ZPBP: variants seen among roughly 807,000 people sequenced by gnomAD.
The protein encoded by ZPBP is zona pellucida binding protein.
ZPBP carries 26 observed loss-of-function variants against 44.8 expected under a neutral mutation model. The observed-to-expected ratio is 0.58, with a 90% CI of 0.43 to 0.81. ZPBP has a LOEUF of 0.81. Ranked by LOEUF, ZPBP falls within the 30% of genes least tolerant of loss-of-function variation. The probability of loss-of-function intolerance (pLI) is 0.00; values close to 1 mark genes in which losing one functional copy is unlikely to be tolerated. For synonymous variants in ZPBP, 174 were observed against 153.2 expected (o/e 1.14, Z -1.00); for missense variants, 409 against 434.0 (o/e 0.94, Z 0.51).
chr7:50,052,878 T>A (rs1800760733), intron 4 of ZPBP, among the ~76,000 whole-genome samples: 1 of 152,196 alleles, frequency 6.6e-6, no homozygotes, highest in Admixed American at 6.5e-5. Flanking sequence ...GTATAATACT[T>A]TTGAAACGAC....
chr7:49,942,251 CTAA>C (rs1794920259), intron 7 of ZPBP: 1 of 207,092 alleles, frequency 4.8e-6, no homozygotes, highest in Non-Finnish European at 9.6e-6. Flanking sequence ...AACGTTACTG[CTAA>C]TATCTGAATT....
intron 3 of ZPBP, among the ~76,000 whole-genome samples, chr7:50,070,773 TAAAC>T (rs1425974519): frequency 1.3e-5 from 2 of 152,342 alleles, no homozygotes; most frequent in Middle Eastern, 3.4e-3. Flanking sequence ...ACAGAAGTGA[TAAAC>T]AAAGACAGCT....
intron 4 of ZPBP, among the ~76,000 whole-genome samples, chr7:50,033,194 T>C (rs1180198742): frequency 2.6e-5 from 4 of 152,192 alleles, no homozygotes; most frequent in Non-Finnish European, 4.4e-5. Context: ...TGATTTCTTC[T>C]GAATTGAGAA....
At chr7:49,983,025 T>G (rs1797099418) in intron 7 of ZPBP, among the ~76,000 whole-genome samples, 1 of 152,060 alleles carries the variant, frequency 6.6e-6, no homozygotes, top group Non-Finnish European at 1.5e-5. Context: ...CAATAGTAGA[T>G]TCTAAAAGAT....
chr7:50,059,351 G>A (rs1261418916), intron 3 of ZPBP, among the ~76,000 whole-genome samples: 1 of 152,136 alleles, frequency 6.6e-6, no homozygotes, highest in African/African-American at 2.4e-5. Flanking sequence ...AAAGAGAAAT[G>A]AACAGATGAA....
chr7:50,036,160 T>C (rs1717936666), intron 4 of ZPBP, among the ~76,000 whole-genome samples: 2 of 152,208 alleles, frequency 1.3e-5, no homozygotes, highest in Non-Finnish European at 2.9e-5. Context: ...AATATGTTTC[T>C]TTGTTTGTTT....
Position 49,877,481 on chromosome 7 carries a change from A to AAAAAATATACATATAC in ZPBP, n.509+23636_509+23637insGTATATGTATATTTTT. Among the ~76,000 whole-genome samples the AAAAAATATACATATAC allele has an allele frequency of 1.6e-4, 2 of 12,722 alleles. 1 individual carries two copies. The highest frequency in any genetic ancestry group is 2.9e-4 in the Non-Finnish European group (2 of 6,948). The allele number at this position is 12,722 out of a possible 152,430, so 8.3% of individuals were successfully genotyped here. ...CTGTCTCAAAAAAAAAAAAAAAAAA[A>AAAAAATATACATATAC]ATATATATATATATATATATATATA... On this transcript the variant is annotated intron_variant and non_coding_transcript_variant, in intron 2 of 2. Coordinates refer to the ZPBP transcript ENST00000465922.
At chr7:49,945,777 G>C (rs1354488601) in intron 7 of ZPBP, among the ~76,000 whole-genome samples, 1 of 151,926 alleles carries the variant, frequency 6.6e-6, no homozygotes, top group Non-Finnish European at 1.5e-5. Flanking sequence ...TGGGTCTTGT[G>C]TTTTTATCCA....
chr7:49,867,824 T>A (rs560598585), intron 2 of ZPBP, among the ~76,000 whole-genome samples: 101 of 141,798 alleles, frequency 7.1e-4, no homozygotes, highest in African/African-American at 2.4e-3. Flanking sequence ...TTTTCTATTT[T>A]TTATTTTATT....
intron 2 of ZPBP, among the ~76,000 whole-genome samples, chr7:49,892,317 A>T (rs1333054548): frequency 2.6e-5 from 4 of 152,030 alleles, no homozygotes; most frequent in Non-Finnish European, 5.9e-5. Flanking sequence ...AAGTGCTGGG[A>T]TTACAAGCGT....
the ZPBP span, among the ~76,000 whole-genome samples, chr7:49,844,075 C>A: frequency 2.6e-5 from 4 of 152,134 alleles, no homozygotes; most frequent in Non-Finnish European, 5.9e-5. Flanking sequence ...AGACTGAGGG[C>A]AGGTTTTGCT....
At chr7:49,868,545 A>G (rs1255722570) in intron 2 of ZPBP, among the ~76,000 whole-genome samples, 1 of 152,238 alleles carries the variant, frequency 6.6e-6, no homozygotes, top group Non-Finnish European at 1.5e-5. Context: ...TTTTCATCAT[A>G]TGGTTCTACA....
chr7:49,890,143 C>A (rs1792069031), intron 2 of ZPBP, among the ~76,000 whole-genome samples: 1 of 152,184 alleles, frequency 6.6e-6, no homozygotes, highest in Non-Finnish European at 1.5e-5. Flanking sequence ...AATATTAACA[C>A]AGATGAAGCA....
At chr7:49,987,826 A>G (rs962561672) in intron 6 of ZPBP, among the ~76,000 whole-genome samples, 10 of 151,770 alleles carry the variant, frequency 6.6e-5, no homozygotes, top group Non-Finnish European at 2.9e-5. Flanking sequence ...AAGCACTTGG[A>G]TCAAATATTT....
intron 2 of ZPBP, among the ~76,000 whole-genome samples, chr7:49,879,030 C>T (rs1791562641): frequency 6.6e-6 from 1 of 152,140 alleles, no homozygotes; most frequent in Non-Finnish European, 1.5e-5. Flanking sequence ...AAATTTTTGT[C>T]TCTTTGTGCT....
At chr7:49,866,334 G>C (rs771947779) in intron 2 of ZPBP, among the ~76,000 whole-genome samples, 11 of 152,138 alleles carry the variant, frequency 7.2e-5, no homozygotes, top group Non-Finnish European at 1.0e-4. Flanking sequence ...GTCCTGACTG[G>C]CGTTCTTCCC....
intron 2 of ZPBP, among the ~76,000 whole-genome samples, chr7:49,856,882 G>A (rs899713696): frequency 1.3e-4 from 19 of 151,788 alleles, no homozygotes; most frequent in Admixed American, 3.9e-4. Flanking sequence ...GGTGGCGGGC[G>A]CCTGTAGTCC....
At chr7:50,087,177 T>C (rs1372015491) in intron 2 of ZPBP, among the ~76,000 whole-genome samples, 4 of 151,972 alleles carry the variant, frequency 2.6e-5, no homozygotes, top group African/African-American at 9.7e-5. Flanking sequence ...GAGGAGGTCA[T>C]TACATACCAA....
At chr7:49,842,074 C>T in the ZPBP span, among the ~76,000 whole-genome samples, 2 of 152,164 alleles carry the variant, frequency 1.3e-5, no homozygotes, top group African/African-American at 4.8e-5. Flanking sequence ...CACCATGTTG[C>T]CCAGGCTGGT....
Sources: allele counts gnomAD v4.1 joint callset (sites outside exome capture counted in the v4.1 genomes callset), GRCh38; gene constraint gnomAD v4.1.1; transcripts MANE v1.5; gene names NCBI Gene and HGNC (gene_info 2026-07-23, HGNC 2026-07-21).